Variants in SIRPB1 observed in about 807,000 individuals in gnomAD.
SIRPB1 encodes the protein signal-regulatory protein beta-1.
SIRPB1 carries 28 observed loss-of-function variants against 34.1 expected under a neutral mutation model. The ratio of observed to expected loss-of-function variants is 0.82; its 90% CI spans 0.61 to 1.12. SIRPB1 has a LOEUF of 1.12. Among genes scored for constraint, SIRPB1 ranks in the 50% most tolerant of loss-of-function variants. The pLI is 0.00. For synonymous variants in SIRPB1, 211 were observed against 203.8 expected (o/e 1.04, Z -0.30); for missense variants, 499 against 507.0 (o/e 0.98, Z 0.15).
chr20:1,570,810 G>A lies in SIRPB1; in HGVS notation c.1079C>T (p.Thr360Ile). 2 of 1,609,748 alleles carry A rather than the reference G, an allele frequency of 1.2e-6. No homozygotes were observed. Among genetic ancestry groups the A allele is most frequent in the Middle Eastern group, 1.7e-4 (1 of 6,022 alleles). Reference protein sequence around the residue: ...AHQKEHGSDITHEAALAPTAP... With the variant: ...AHQKEHGSDIIHEAALAPTAP... ...AAAATGGGAAGTAACCGCACCATGG[G>A]TGATATCTGAGCCGTGCTCCTTCTG... The change falls in exon 4 of 6, where the codon ACC (threonine) becomes ATC (isoleucine). Residue 360 changes from threonine (T) to isoleucine (I), a missense_variant. Coordinates refer to ENST00000381605, the MANE Select transcript of SIRPB1 (RefSeq NM_006065.5).
chr20:1,617,966 AAT>A (rs1491262031), intron 1 of SIRPB1, among the ~76,000 whole-genome samples: 1 of 152,222 alleles, frequency 6.6e-6, no homozygotes, highest in African/African-American at 2.4e-5. Flanking sequence ...CACATTTGCA[AAT>A]ATATATACAC....
chr20:1,619,824 G>C (rs758047988), intron 1 of SIRPB1, 45 bp downstream of exon 1: 1 of 1,396,102 alleles, frequency 7.2e-7, no homozygotes, highest in Non-Finnish European at 1.0e-6. Flanking sequence ...ACAGGCCATG[G>C]CTCAGTGGGC....
rs779095619 is a variant in SIRPB1 at position 1,571,044 on chromosome 20, A to G, written c.845T>C (p.Leu282Pro). Residue 282 changes from leucine to proline, a missense_variant, in exon 4 of 6, where the codon CTA becomes CCA. Coordinates refer to ENST00000381605, the MANE Select transcript of SIRPB1 (RefSeq NM_006065.5). ...TCCATTCTCCAACCAGGTCAGCTGTAGTCCCCGGGGGTAGAAATTGCTCAC... is the reference window on the plus strand; with the variant it reads ...TCCATTCTCCAACCAGGTCAGCTGTGGTCCCCGGGGGTAGAAATTGCTCAC... ...CQVSNFYPRGLQLTWLENGNV... is the reference protein window; with the variant it reads ...CQVSNFYPRGPQLTWLENGNV... 4.5e-5 allele frequency: 73 copies of G among 1,614,078 alleles called. No homozygotes were observed. Among genetic ancestry groups the G allele is most frequent in the Non-Finnish European group, 6.1e-5 (72 of 1,180,012 alleles).
At chr20:1,569,834 T>C (rs867180481) in intron 4 of SIRPB1, among the ~76,000 whole-genome samples, 1 of 152,196 alleles carries the variant, frequency 6.6e-6, no homozygotes, top group South Asian at 2.1e-4. Context: ...GAGGATGTAT[T>C]CGGGTCAAAG....
Position 1,564,072 on chromosome 20 carries a change from C to T in SIRPB1, c.*1428G>A, listed in dbSNP as rs1330859760. 5 of 152,142 alleles carry T rather than the reference C, an allele frequency of 3.3e-5. No individual in the cohort carries two copies. Among genetic ancestry groups the T allele is most frequent in the African/African-American group, 1.2e-4 (5 of 41,422 alleles). 9.4% of individuals were successfully genotyped at this position (152,142 alleles called of 1,614,324 possible). ...TTCTAATGCTTTGAATTGTAGTGCA[C>T]AAATAAATATTTATTTCATTATATT... On this transcript the variant is annotated 3_prime_UTR_variant, in exon 6 of 6. Coordinates refer to ENST00000381605, the MANE Select transcript of SIRPB1 (RefSeq NM_006065.5).
At chr20:1,592,701 T>A (rs552082660) in intron 1 of SIRPB1, among the ~76,000 whole-genome samples, 1 of 49,360 alleles carries the variant, frequency 2.0e-5, no homozygotes, top group Admixed American at 1.3e-4. Context: ...TTCCCCCCAC[T>A]TAATAACTTT....
intron 4 of SIRPB1, among the ~76,000 whole-genome samples, chr20:1,566,911 G>A (rs2091145538): frequency 6.6e-6 from 1 of 152,088 alleles, no homozygotes; most frequent in Non-Finnish European, 1.5e-5. Context: ...GTGAGTCAGG[G>A]AATGTGCCTC....
At chr20:1,569,122 C>A (rs1308674342) in intron 4 of SIRPB1, among the ~76,000 whole-genome samples, 1 of 152,174 alleles carries the variant, frequency 6.6e-6, no homozygotes, top group African/African-American at 2.4e-5. Flanking sequence ...ACACAACTTA[C>A]CAGGGCTCAC....
intron 2 of SIRPB1, among the ~76,000 whole-genome samples, chr20:1,574,771 G>C (rs1049726287): frequency 2.8e-5 from 2 of 71,144 alleles, no homozygotes; most frequent in Non-Finnish European, 5.4e-5. Context: ...TGTGAGGTCA[G>C]TGTTACCATC....
Position 1,611,387 on chromosome 20 carries a change from A to C in SIRPB1, c.76+8482T>G. 3 of 929,166 alleles carry C rather than the reference A, an allele frequency of 3.2e-6. 1 individual carries two copies. The highest frequency in any genetic ancestry group is 4.3e-6 in the Non-Finnish European group (3 of 699,798). The allele number at this position is 929,166 out of a possible 1,614,324, so 57.6% of individuals were successfully genotyped here. On this transcript the variant is annotated intron_variant, in intron 1 of 5. Coordinates refer to ENST00000381605, the MANE Select transcript of SIRPB1 (RefSeq NM_006065.5). The stretch of plus-strand genomic sequence containing the variant: ...ACAGACAGCTCGGTGCCTGCTCCAG[A>C]CTTAAACTCCACGTGGTCGGGGCTC...
At chr20:1,613,880 T>TG (rs2091593217) in intron 1 of SIRPB1, among the ~76,000 whole-genome samples, 1 of 152,102 alleles carries the variant, frequency 6.6e-6, no homozygotes. Flanking sequence ...ATCTACCTAT[T>TG]AAGACACAGA....
Position 1,565,023 on chromosome 20 carries a change from G to A in SIRPB1, c.*477C>T, listed in dbSNP as rs550385271. On this transcript the variant is annotated 3_prime_UTR_variant, in exon 6 of 6. Transcript: ENST00000381605. The stretch of plus-strand genomic sequence containing the variant: ...TCTTTCTTTTTGGGTTTGAGGGATA[G>A]GATGCTTGGACAAAGAGGAAAGAGA... 20 of 398,608 alleles carry A rather than the reference G, an allele frequency of 5.0e-5. No homozygotes were observed. Among genetic ancestry groups the A allele is most frequent in the African/African-American group, 2.9e-4 (14 of 48,728 alleles). The allele number at this position is 398,608 out of a possible 1,614,324, so 24.7% of individuals were successfully genotyped here.
chr20:1,569,864 G>A (rs551873746), intron 4 of SIRPB1, among the ~76,000 whole-genome samples: 18 of 152,220 alleles, frequency 1.2e-4, no homozygotes, highest in Non-Finnish European at 2.4e-4. Context: ...ATTGTCTTTC[G>A]ACTGGAGTAG....
At position 1,561,839 on chromosome 20, in the gene SIRPB1, C is replaced by A. The variant is rs1476716831; in HGVS notation, c.*3661G>T. Among the ~76,000 whole-genome samples the A allele has an allele frequency of 6.6e-6, 1 of 152,122 alleles. No homozygotes were observed. The highest frequency in any genetic ancestry group is 2.4e-5 in the African/African-American group (1 of 41,428). ...TTTCTCCTTTTTTCCATGCTGTACTCTTTGCAAAGAAGTCGCAGTGCACAG... is the reference window on the plus strand; with the variant it reads ...TTTCTCCTTTTTTCCATGCTGTACTATTTGCAAAGAAGTCGCAGTGCACAG... On this transcript the variant is annotated 3_prime_UTR_variant, in exon 6 of 6. Transcript: ENST00000381605.
intron 4 of SIRPB1, among the ~76,000 whole-genome samples, chr20:1,569,432 C>T (rs1051051387): frequency 2.4e-4 from 36 of 152,148 alleles, no homozygotes; most frequent in Admixed American, 2.3e-3. Context: ...GAAAAATGTC[C>T]TTGATCACAT....
intron 1 of SIRPB1, among the ~76,000 whole-genome samples, chr20:1,614,935 C>T (rs1382997386): frequency 1.3e-5 from 2 of 152,104 alleles, no homozygotes; most frequent in African/African-American, 2.4e-5. Flanking sequence ...CCATGGCTCT[C>T]CATCCTGAAG....
chr20:1,570,578 T>G (rs999546647), intron 4 of SIRPB1: 21 of 444,326 alleles, frequency 4.7e-5, no homozygotes, highest in Admixed American at 3.5e-4. Context: ...TGCATCAGAC[T>G]TGACGCACAG....
Position 1,619,983 on chromosome 20 carries a change from T to C in SIRPB1, c.-39A>G, listed in dbSNP as rs951556937. 21 of 1,579,570 alleles carry C rather than the reference T, an allele frequency of 1.3e-5. No individual in the cohort carries two copies. The highest frequency in any genetic ancestry group is 1.8e-5 in the Non-Finnish European group (21 of 1,164,198). On this transcript the variant is annotated 5_prime_UTR_variant, in exon 1 of 6. Transcript: ENST00000381605. ...GGAGCCTGCTCTGTCCAAACGTCTG[T>C]GCTGGGAAGATCGCAGACTCTGCTC...
rs1448706555 is a variant in SIRPB1 at position 1,590,060 on chromosome 20, AT to A, written c.77-11367del. Among the ~76,000 whole-genome samples the A allele has an allele frequency of 4.2e-5, 2 of 47,890 alleles. 1 individual carries two copies. The highest frequency in any genetic ancestry group is 8.0e-5 in the Non-Finnish European group (2 of 24,866). The allele number at this position is 47,890 out of a possible 152,430, so 31.4% of individuals were successfully genotyped here. A position where few individuals can be genotyped will look rare whatever the true frequency, so the allele number is the denominator to read the frequency against. On this transcript the variant is annotated intron_variant, in intron 1 of 5. Coordinates refer to ENST00000381605, the MANE Select transcript of SIRPB1 (RefSeq NM_006065.5). ...ATTTTAACCAAAAAATGTGGCTATAATTTTTTTTTATGAGAAGGGCTCACTG... is the reference window on the plus strand; with the variant it reads ...ATTTTAACCAAAAAATGTGGCTATAATTTTTTTTATGAGAAGGGCTCACTG...
Sources: allele counts gnomAD v4.1 joint callset (sites outside exome capture counted in the v4.1 genomes callset), GRCh38; gene constraint gnomAD v4.1.1; transcripts MANE v1.5; gene names NCBI Gene and HGNC (gene_info 2026-07-23, HGNC 2026-07-21).